Variants in PAPPA observed in about 807,000 individuals in gnomAD.
PAPPA encodes pappalysin-1.
Under a neutral mutation model 164.0 loss-of-function variants are expected in PAPPA, and 60 were observed. The observed-to-expected ratio is 0.37, with a 90% CI of 0.30 to 0.45. PAPPA has a LOEUF of 0.45. Among genes scored for constraint, PAPPA ranks in the 20% least tolerant of loss-of-function variants. The pLI, the probability that PAPPA is intolerant of heterozygous loss-of-function variation, is 1.00. For synonymous variants in PAPPA, 875 were observed against 814.1 expected (o/e 1.07, Z -1.27); for missense variants, 1,782 against 2,087.3 (o/e 0.85, Z 2.85).
At chr9:116,244,948 G>T (rs1371592799) in intron 7 of PAPPA, among the ~76,000 whole-genome samples, 1 of 152,122 alleles carries the variant, frequency 6.6e-6, no homozygotes, top group Non-Finnish European at 1.5e-5. Context: ...AGAAAACGAG[G>T]TATATGTACA....
chr9:116,344,435 CA>C, intron 13 of PAPPA, 107 bp from the exon 14 acceptor site: 1 of 1,148,514 alleles, frequency 8.7e-7, no homozygotes, highest in African/African-American at 1.5e-5. Flanking sequence ...TCCTCAGTCT[CA>C]AGCCCCCTGA....
chr9:116,277,776 A>C (rs1276554314), intron 9 of PAPPA, among the ~76,000 whole-genome samples: 1 of 152,158 alleles, frequency 6.6e-6, no homozygotes, highest in African/African-American at 2.4e-5. Context: ...TCCCAGGTTC[A>C]AGTGATTCTC....
At chr9:116,368,076 A>C (rs1309826396) in intron 19 of PAPPA, among the ~76,000 whole-genome samples, 1 of 152,228 alleles carries the variant, frequency 6.6e-6, no homozygotes, top group Non-Finnish European at 1.5e-5. Flanking sequence ...GGTAGGGAGC[A>C]TAGAGCCAGG....
chr9:116,284,817 C>T (rs190965522), intron 9 of PAPPA, among the ~76,000 whole-genome samples: 140 of 152,240 alleles, frequency 9.2e-4, no homozygotes, highest in African/African-American at 3.2e-3. Context: ...ACTTTGAAAA[C>T]GTTATCTTGT....
intron 17 of PAPPA, among the ~76,000 whole-genome samples, chr9:116,354,234 G>A (rs936872852): frequency 6.6e-6 from 1 of 152,188 alleles, no homozygotes; most frequent in Non-Finnish European, 1.5e-5. Context: ...GAAAGGAAGA[G>A]CAGAAGGAGC....
intron 2 of PAPPA, among the ~76,000 whole-genome samples, chr9:116,192,234 C>T (rs370800459): frequency 2.6e-5 from 4 of 152,096 alleles, no homozygotes; most frequent in African/African-American, 9.7e-5. Context: ...GGGGAGTGGA[C>T]CTGCATTAGC....
At chr9:116,191,014 A>AAGGGAGGAAGGGAAGG (rs961090818) in intron 2 of PAPPA, among the ~76,000 whole-genome samples, 16 of 149,586 alleles carry the variant, frequency 1.1e-4, no homozygotes, top group South Asian at 8.8e-4. Context: ...TTAAACAAAA[A>AAGGGAGGAAGGGAAGG]AGGGAGGAAG....
At chr9:116,218,034 C>T (rs1392744770) in intron 4 of PAPPA, among the ~76,000 whole-genome samples, 1 of 152,154 alleles carries the variant, frequency 6.6e-6, no homozygotes, top group African/African-American at 2.4e-5. Context: ...AGGACTTTTT[C>T]CTTGCAATAG....
intron 1 of PAPPA, among the ~76,000 whole-genome samples, chr9:116,180,198 G>A (rs755907326): frequency 1.8e-4 from 27 of 152,078 alleles, no homozygotes; most frequent in African/African-American, 4.8e-4. Flanking sequence ...ATATCCTAAG[G>A]AAAGGAAGTG....
chr9:116,181,016 C>T (rs1843898244), intron 1 of PAPPA, among the ~76,000 whole-genome samples: 1 of 152,214 alleles, frequency 6.6e-6, no homozygotes, highest in Admixed American at 6.5e-5. Context: ...AAGTGATGAA[C>T]ACACCACCAA....
intron 7 of PAPPA, among the ~76,000 whole-genome samples, chr9:116,247,606 A>G (rs1435474799): frequency 1.3e-5 from 2 of 152,186 alleles, no homozygotes; most frequent in East Asian, 3.8e-4. Context: ...AAACAAATAA[A>G]TGAAGAGGAA....
At chr9:116,303,000 G>T (rs376737020) in intron 10 of PAPPA, 50 bp downstream of exon 10, 4 of 1,524,242 alleles carry the variant, frequency 2.6e-6, no homozygotes, top group Non-Finnish European at 2.7e-6. Context: ...CAAAGTCTCC[G>T]CTATGCCCCA....
chr9:116,252,405 G>A (rs1406666658), intron 7 of PAPPA, among the ~76,000 whole-genome samples: 1 of 152,134 alleles, frequency 6.6e-6, no homozygotes, highest in Non-Finnish European at 1.5e-5. Context: ...GAAAATGGAT[G>A]TTACAGGGCA....
At position 116,187,090 on chromosome 9, in the gene PAPPA, T is replaced by C. The variant is rs1843979657; in HGVS notation, c.416-64T>C. 8.4e-7 allele frequency: 1 copy of C among 1,194,022 alleles called. No homozygotes were observed. Among genetic ancestry groups the C allele is most frequent in the Non-Finnish European group, 1.2e-6 (1 of 824,488 alleles). 74.0% of individuals were successfully genotyped at this position (1,194,022 alleles called of 1,614,324 possible). On this transcript the variant is annotated intron_variant, in intron 1 of 21. Coordinates refer to ENST00000328252, the MANE Select transcript of PAPPA (RefSeq NM_002581.5). This position sits in a 1 kb window ranked among gnomAD's most constrained non-coding sequence, Gnocchi z 4.2. ...TGATACAAATTTTATTAGAGAAAAA[T>C]AACTTAACCCCCCCTCCTTTTCCAT...
rs189508578 is a variant in PAPPA, at chr9:116,327,437, G to A, written c.3148-3807G>A. Among the ~76,000 whole-genome samples, 55 of 152,266 alleles carry A rather than the reference G, an allele frequency of 3.6e-4. No homozygotes were observed. In the East Asian group the frequency reaches 6.0e-3, roughly 17 times the overall value. ...AACTGGAGGAGGGGAGATGATGAGCGAAGAAGAGCTTAGGGGTGATGGTAG... is the reference window on the plus strand; with the variant it reads ...AACTGGAGGAGGGGAGATGATGAGCAAAGAAGAGCTTAGGGGTGATGGTAG... On this transcript the variant is annotated intron_variant, in intron 10 of 21. Coordinates refer to ENST00000328252, the MANE Select transcript of PAPPA (RefSeq NM_002581.5).
At chr9:116,358,335 G>A (rs1031883260) in intron 17 of PAPPA, among the ~76,000 whole-genome samples, 1 of 152,246 alleles carries the variant, frequency 6.6e-6, no homozygotes, top group Non-Finnish European at 1.5e-5. Context: ...AACCTTGGAA[G>A]ACACAAAATG....
Position 116,383,880 on chromosome 9 carries a change from A to G in PAPPA, c.4776+1387A>G, listed in dbSNP as rs562933922. Among the ~76,000 whole-genome samples, 41 of 152,314 alleles carry G rather than the reference A, an allele frequency of 2.7e-4. No homozygotes were observed. In the South Asian group the frequency reaches 8.3e-3, roughly 31 times the overall value. On this transcript the variant is annotated intron_variant, in intron 21 of 21. Transcript: ENST00000328252. ...AAATAAAATTCATTTTCTGTTAAGGAATTTTATCATTTTTTTCTAATTATG... is the reference window on the plus strand; with the variant it reads ...AAATAAAATTCATTTTCTGTTAAGGGATTTTATCATTTTTTTCTAATTATG...
In PAPPA at chr9:116,382,447, A is replaced by T; in HGVS notation, c.4730A>T (p.Asn1577Ile). ...GCCATCAACAACCGAGCCTTTTGCA[A>T]CTATGACGGTGGGGATTGCTGCACC... Reference protein sequence around the residue: ...CDAINNRAFCNYDGGDCCTST... With the variant: ...CDAINNRAFCIYDGGDCCTST... Residue 1577 changes from asparagine (N) to isoleucine (I), a missense_variant, in exon 21 of 22, where the codon AAC becomes ATC. This residue lies in a region of PAPPA where 1,324 missense variants were observed against 1,656.9 expected (regional missense o/e 0.80). Transcript: ENST00000328252. 1 of 1,613,908 alleles carries T rather than the reference A, an allele frequency of 6.2e-7. No homozygotes were observed. The highest frequency in any genetic ancestry group is 8.5e-7 in the Non-Finnish European group (1 of 1,179,886).
intron 20 of PAPPA, among the ~76,000 whole-genome samples, chr9:116,379,663 G>T (rs1033117022): frequency 2.0e-5 from 3 of 152,014 alleles, no homozygotes; most frequent in Admixed American, 6.6e-5. Flanking sequence ...AGCAATCTAG[G>T]ATACAGAAAT....
Sources: allele counts gnomAD v4.1 joint callset (sites outside exome capture counted in the v4.1 genomes callset), GRCh38; gene constraint gnomAD v4.1.1; regional missense constraint gnomAD v4.1.1; non-coding constraint Gnocchi (gnomAD v3.1); transcripts MANE v1.5; gene names NCBI Gene and HGNC (gene_info 2026-07-23, HGNC 2026-07-21).